MICAL2: variants seen among roughly 807,000 people sequenced by gnomAD.
The protein encoded by MICAL2 is microtubule associated monooxygenase, calponin and LIM domain containing 2.
Under a neutral mutation model 127.3 loss-of-function variants are expected in MICAL2, and 77 were observed. The ratio of observed to expected loss-of-function variants is 0.60; its 90% CI spans 0.50 to 0.73. The LOEUF is 0.73. Ranked by LOEUF, MICAL2 falls within the 30% of genes least tolerant of loss-of-function variation. The pLI is 0.00. For missense variants in MICAL2, 1,351 were observed against 1,434.4 expected, an observed-to-expected ratio of 0.94 and a Z score of 0.94; for synonymous variants, 570 against 551.1, an observed-to-expected ratio of 1.03 and a Z score of -0.48.
intron 3 of MICAL2, among the ~76,000 whole-genome samples, chr11:12,185,970 G>A (rs1310878557): frequency 6.6e-6 from 1 of 152,258 alleles, no homozygotes; most frequent in Non-Finnish European, 1.5e-5. Context: ...CTCAGCAAAG[G>A]AGTCATGGAA....
At chr11:12,160,368 C>T (rs1854639340) in intron 2 of MICAL2, among the ~76,000 whole-genome samples, 2 of 152,322 alleles carry the variant, frequency 1.3e-5, no homozygotes, top group African/African-American at 2.4e-5. Flanking sequence ...GCTGCCCTAT[C>T]ATCTTCCCAA....
At chr11:12,116,095 G>A (rs938921638) in intron 1 of MICAL2, among the ~76,000 whole-genome samples, 1 of 150,222 alleles carries the variant, frequency 6.7e-6, no homozygotes, top group African/African-American at 2.5e-5. Context: ...TTCTGCCTCT[G>A]CCTCCTGAGT....
chr11:12,239,179 G>A (rs907170524), intron 16 of MICAL2, among the ~76,000 whole-genome samples: 24 of 152,114 alleles, frequency 1.6e-4, no homozygotes, highest in African/African-American at 5.6e-4. Flanking sequence ...ACATCACAGG[G>A]ATAAGAAATG....
At chr11:12,130,423 A>T (rs1851318824) in intron 1 of MICAL2, among the ~76,000 whole-genome samples, 1 of 151,998 alleles carries the variant, frequency 6.6e-6, no homozygotes, top group Non-Finnish European at 1.5e-5. Context: ...GGGAGTACTT[A>T]CTCCCTGGGA....
At chr11:12,179,380 C>A (rs375711002) in intron 3 of MICAL2, among the ~76,000 whole-genome samples, 1 of 152,140 alleles carries the variant, frequency 6.6e-6, no homozygotes, top group Non-Finnish European at 1.5e-5. Flanking sequence ...TACCTCTCAC[C>A]TTCTCCCCAG....
In MICAL2 at chr11:12,212,820, T is replaced by C. The variant is rs113839995; in HGVS notation, c.692-435T>C. Among the ~76,000 whole-genome samples the C allele has an allele frequency of 1.4e-4, 21 of 152,332 alleles. No individual in the cohort carries two copies. In the South Asian group the frequency reaches 1.4e-3, roughly 11 times the overall value. On this transcript the variant is annotated intron_variant, in intron 6 of 27. Transcript: ENST00000683283. ...TATGAAGAAAATTTGTTAAAATCCCTGTCCTGCAGGAATTCAATGTGATCT... is the reference window on the plus strand; with the variant it reads ...TATGAAGAAAATTTGTTAAAATCCCCGTCCTGCAGGAATTCAATGTGATCT...
intron 24 of MICAL2, among the ~76,000 whole-genome samples, chr11:12,257,466 G>A (rs976557265): frequency 1.3e-5 from 2 of 152,152 alleles, no homozygotes; most frequent in African/African-American, 2.4e-5. Context: ...CATGCTCATC[G>A]GAACGAATGA....
At chr11:12,147,065 T>G (rs1590068899) in intron 2 of MICAL2, among the ~76,000 whole-genome samples, 13 of 145,700 alleles carry the variant, frequency 8.9e-5, no homozygotes, top group Admixed American at 2.8e-4. Context: ...TGTTATGGGG[T>G]GGGGGGAGCA....
intron 3 of MICAL2, among the ~76,000 whole-genome samples, chr11:12,174,698 C>T (rs1376877063): frequency 6.6e-6 from 1 of 151,812 alleles, no homozygotes; most frequent in African/African-American, 2.4e-5. Flanking sequence ...TAGGTATATA[C>T]CAGGAGTGGA....
chr11:12,140,685 C>T lies in MICAL2; in HGVS notation c.-78+2225C>T, dbSNP rs771460900. Among the ~76,000 whole-genome samples, 7 of 152,290 alleles carry T rather than the reference C, an allele frequency of 4.6e-5. No individual in the cohort carries two copies. In the Middle Eastern group the frequency reaches 0.014, roughly 296 times the overall value. On this transcript the variant is annotated intron_variant, in intron 2 of 27. Transcript: ENST00000683283. ...AATAATTAATTCCTTGACTTTTACT[C>T]GGAGCTTCCTCCTCCTGACATTGAG...
At chr11:12,170,587 C>A (rs1422034398) in intron 3 of MICAL2, among the ~76,000 whole-genome samples, 1 of 152,226 alleles carries the variant, frequency 6.6e-6, no homozygotes, top group Non-Finnish European at 1.5e-5. Flanking sequence ...ACTTTAGGGC[C>A]CTGGCCCATG....
At chr11:12,298,958 G>A (rs1263579637) in intron 29 of MICAL2, among the ~76,000 whole-genome samples, 3 of 151,942 alleles carry the variant, frequency 2.0e-5, no homozygotes, top group Non-Finnish European at 4.4e-5. Flanking sequence ...AGGTAATATT[G>A]GCCTACAGTT....
exon 30 of MICAL2, chr11:12,319,769 T>C: frequency 6.2e-7 from 1 of 1,614,148 alleles, no homozygotes; most frequent in Non-Finnish European, 8.5e-7. Flanking sequence ...CCTCCTCCTC[T>C]GCAGATGAAG....
At chr11:12,342,638 TGCCAAGCACAATGCTTA>T (rs1277329964) in intron 32 of MICAL2, among the ~76,000 whole-genome samples, 2 of 152,322 alleles carry the variant, frequency 1.3e-5, no homozygotes, top group Non-Finnish European at 2.9e-5. Context: ...GTTTACTATG[TGCCAAGCACAATGCTTA>T]GCCAAGCACA....
chr11:12,226,451 G>A, intron 14 of MICAL2, 81 bp downstream of exon 14: 3 of 1,424,282 alleles, frequency 2.1e-6, no homozygotes, highest in South Asian at 1.2e-5. Context: ...TCCTAACACT[G>A]TATGGTCTGT....
At chr11:12,188,709 G>A (rs535002222) in intron 3 of MICAL2, among the ~76,000 whole-genome samples, 1 of 152,242 alleles carries the variant, frequency 6.6e-6, no homozygotes, top group East Asian at 1.9e-4. Context: ...AGATACCTGT[G>A]ACCCTGGGCA....
chr11:12,144,415 A>C (rs1852673934), intron 2 of MICAL2, among the ~76,000 whole-genome samples: 1 of 151,904 alleles, frequency 6.6e-6, no homozygotes, highest in Non-Finnish European at 1.5e-5. Context: ...TGGATGTTGG[A>C]GTTTGGGGCT....
At chr11:12,268,832 T>C (rs1282097835) in intron 24 of MICAL2, among the ~76,000 whole-genome samples, 1 of 82,214 alleles carries the variant, frequency 1.2e-5, no homozygotes, top group Non-Finnish European at 3.1e-5. Context: ...CTACTAAAAA[T>C]ACAAAAAAAA....
At chr11:12,285,014 C>T (rs919782371) in intron 2 of MICAL2, among the ~76,000 whole-genome samples, 1 of 152,140 alleles carries the variant, frequency 6.6e-6, no homozygotes, top group South Asian at 2.1e-4. Flanking sequence ...GTACAGGAGA[C>T]CAGAATTTTA....
Sources: gnomAD v4.1 joint callset for allele counts (sites outside exome capture counted in the v4.1 genomes callset) on GRCh38, gnomAD v4.1.1 for gene constraint, MANE v1.5 for transcripts, NCBI Gene and HGNC (gene_info 2026-07-23, HGNC 2026-07-21) for gene names.